The following TMBIM4 variants were observed in gnomAD, a reference collection of about 807,000 sequenced individuals.
TMBIM4 encodes transmembrane BAX inhibitor motif containing 4, also known as protein lifeguard 4.
TMBIM4 carries 28 observed loss-of-function variants against 27.7 expected under a neutral mutation model. That is an observed-to-expected ratio of 1.01 (90% CI 0.75 to 1.38). TMBIM4 has a LOEUF of 1.38. Ranked by LOEUF, TMBIM4 falls within the 40% of genes most tolerant of loss-of-function variation. TMBIM4 has a pLI of 0.00. For synonymous variants in TMBIM4, 115 were observed against 113.1 expected, an observed-to-expected ratio of 1.02 and a Z score of -0.11; for missense variants, 265 against 277.5, an observed-to-expected ratio of 0.95 and a Z score of 0.32.
At chr12:66,149,460 A>G (rs2136860812) in intron 3 of TMBIM4, among the ~76,000 whole-genome samples, 1 of 151,354 alleles carries the variant, frequency 6.6e-6, no homozygotes, top group South Asian at 2.1e-4. Flanking sequence ...AAAAAAAAAA[A>G]AAAAGAAAGA....
At position 66,145,865 on chromosome 12, in the gene TMBIM4, TTC is replaced by T; in HGVS notation, c.438_439del (p.Lys147GlyfsTer28). Reference sequence around the variant, plus strand: ...CCCTGCTCCAAATTTGCTGAAATCCTTCTTAGATTGTAGAGTATACACAGTCA... The same window carrying T: ...CCCTGCTCCAAATTTGCTGAAATCCTTTAGATTGTAGAGTATACACAGTCA... On this transcript the variant is annotated frameshift_variant, in exon 5 of 7. Transcript: ENST00000358230. LOFTEE classifies it high-confidence loss of function. 2 of 1,602,618 alleles carry T rather than the reference TTC, an allele frequency of 1.2e-6. No individual in the cohort carries two copies. The highest frequency in any genetic ancestry group is 1.7e-6 in the Non-Finnish European group (2 of 1,172,154).
At chr12:66,150,427 CTT>C in intron 3 of TMBIM4, among the ~76,000 whole-genome samples, 1 of 134,296 alleles carries the variant, frequency 7.4e-6, no homozygotes, top group Non-Finnish European at 1.6e-5. Flanking sequence ...ACCCCCCTTT[CTT>C]TTTAAGACAG....
rs2051798522 is a variant in TMBIM4, at chr12:66,149,062, T to C, written c.313-1121A>G. Among the ~76,000 whole-genome samples the C allele has an allele frequency of 2.0e-5, 3 of 152,178 alleles. No homozygotes were observed. In the South Asian group the frequency reaches 6.2e-4, roughly 31 times the overall value. On this transcript the variant is annotated intron_variant, in intron 3 of 6. Coordinates refer to ENST00000358230, the MANE Select transcript of TMBIM4 (RefSeq NM_016056.4). ...AGAGCAAAAATGGTATTAGAAATTG[T>C]ACATAGATGTGGAGGCAATGGAACT...
chr12:66,153,990 T>C (rs893385033), intron 1 of TMBIM4, among the ~76,000 whole-genome samples: 3 of 152,170 alleles, frequency 2.0e-5, no homozygotes, highest in Admixed American at 6.5e-5. Context: ...TTCTATACAA[T>C]AGAAAATCCT....
intron 1 of TMBIM4, 39 bp downstream of exon 1, chr12:66,169,816 G>T: frequency 6.8e-7 from 1 of 1,471,960 alleles, no homozygotes; most frequent in Non-Finnish European, 9.1e-7. Context: ...GAGCAGTGCA[G>T]ACAAGCGGCT....
chr12:66,158,729 T>C (rs1236831542), intron 1 of TMBIM4, among the ~76,000 whole-genome samples: 1 of 152,150 alleles, frequency 6.6e-6, no homozygotes, highest in Non-Finnish European at 1.5e-5. Flanking sequence ...AAGATCATGC[T>C]AAGACACTTT....
At chr12:66,151,884 G>A (rs1346249344) in intron 3 of TMBIM4, among the ~76,000 whole-genome samples, 2 of 152,150 alleles carry the variant, frequency 1.3e-5, no homozygotes, top group Admixed American at 6.5e-5. Flanking sequence ...TGAAATTAAA[G>A]CCACAACATA....
chr12:66,164,384 T>C (rs931757026), intron 1 of TMBIM4, among the ~76,000 whole-genome samples: 4 of 152,194 alleles, frequency 2.6e-5, no homozygotes, highest in African/African-American at 7.2e-5. Context: ...AGGGCTTATA[T>C]ACCAGAGGGA....
At chr12:66,138,903 A>T in intron 5 of TMBIM4, 134 bp from the exon 6 acceptor site, 1 of 1,264,164 alleles carries the variant, frequency 7.9e-7, no homozygotes. Context: ...AAGAATTTGT[A>T]AACATACAAT....
At chr12:66,149,135 A>C (rs1465982121) in intron 3 of TMBIM4, among the ~76,000 whole-genome samples, 1 of 152,142 alleles carries the variant, frequency 6.6e-6, no homozygotes, top group African/African-American at 2.4e-5. Context: ...AATGGTAGCA[A>C]AAGATGATAG....
chr12:66,149,860 A>G (rs948095774), intron 3 of TMBIM4, among the ~76,000 whole-genome samples: 12 of 146,360 alleles, frequency 8.2e-5, no homozygotes, highest in Admixed American at 6.7e-4. Context: ...CTATCTATCT[A>G]TCTGTCTGTC....
chr12:66,167,611 G>A (rs373730036), intron 1 of TMBIM4, among the ~76,000 whole-genome samples: 6 of 152,338 alleles, frequency 3.9e-5, no homozygotes, highest in East Asian at 1.9e-4. Context: ...AGAACGGAAT[G>A]TGTTGGCAAG....
At chr12:66,140,142 T>C (rs957458030) in intron 5 of TMBIM4, among the ~76,000 whole-genome samples, 6 of 151,670 alleles carry the variant, frequency 4.0e-5, no homozygotes, top group Non-Finnish European at 7.4e-5. Flanking sequence ...ATGAAGGAAA[T>C]ATGACCCATA....
intron 1 of TMBIM4, among the ~76,000 whole-genome samples, chr12:66,159,485 T>G (rs1592551538): frequency 6.6e-6 from 1 of 152,160 alleles, no homozygotes; most frequent in Non-Finnish European, 1.5e-5. Flanking sequence ...GCATCTTGAC[T>G]GGAGCCTCAT....
chr12:66,162,349 T>C (rs1407028264), intron 1 of TMBIM4, among the ~76,000 whole-genome samples: 10 of 152,242 alleles, frequency 6.6e-5, no homozygotes, highest in Non-Finnish European at 1.5e-4. Context: ...TGTTCTATCT[T>C]ATTAATAGCT....
Position 66,137,842 on chromosome 12 carries a change from T to C in TMBIM4, c.*118A>G, listed in dbSNP as rs1353644025. The C allele has an allele frequency of 9.5e-6, 3 of 314,292 alleles. No homozygotes were observed. The highest frequency in any genetic ancestry group is 1.6e-5 in the Non-Finnish European group (3 of 184,662). 19.5% of individuals were successfully genotyped at this position (314,292 alleles called of 1,614,324 possible). ...TAAAGATTGTAACAGTATTTAATCA[T>C]TGTTTCAAACTTTATTACTTAATGA... is the stretch of plus-strand genomic sequence containing the variant. On this transcript the variant is annotated 3_prime_UTR_variant, in exon 7 of 7. Transcript: ENST00000358230.
chr12:66,166,905 G>A (rs1489467678), intron 1 of TMBIM4, among the ~76,000 whole-genome samples: 1 of 152,200 alleles, frequency 6.6e-6, no homozygotes, highest in African/African-American at 2.4e-5. Context: ...CCTTCAGTAG[G>A]TGAATGAATA....
intron 1 of TMBIM4, chr12:66,168,776 C>T (rs1375054275): frequency 6.5e-6 from 1 of 152,778 alleles, no homozygotes; most frequent in East Asian, 1.9e-4. Flanking sequence ...CTGCCCAATT[C>T]GCAAATCATT....
Position 66,169,939 on chromosome 12 carries a change from C to T in TMBIM4, c.13G>A (p.Asp5Asn). MADP[D>N]PRYPRSSIED... ...ATCGAGGAGCGAGGGTACCGGGGGTCGGGGTCAGCCATGATGGCAACAGCA... is the reference window on the plus strand; with the variant it reads ...ATCGAGGAGCGAGGGTACCGGGGGTTGGGGTCAGCCATGATGGCAACAGCA... The change falls in exon 1 of 7, where the codon GAC (aspartate) becomes AAC (asparagine). Residue 5 changes from aspartate (D) to asparagine (N), a missense_variant. Coordinates refer to ENST00000358230, the MANE Select transcript of TMBIM4 (RefSeq NM_016056.4). The T allele has an allele frequency of 6.7e-7, 1 of 1,495,054 alleles. No homozygotes were observed. The highest frequency in any genetic ancestry group is 8.9e-7 in the Non-Finnish European group (1 of 1,124,040). The allele number at this position is 1,495,054 out of a possible 1,614,324, so 92.6% of individuals were successfully genotyped here. A position where few individuals can be genotyped will look rare whatever the true frequency, so the allele number is the denominator to read the frequency against.
Sources: allele counts gnomAD v4.1 joint callset (sites outside exome capture counted in the v4.1 genomes callset), GRCh38; gene constraint gnomAD v4.1.1; transcripts MANE v1.5; gene names NCBI Gene and HGNC (gene_info 2026-07-23, HGNC 2026-07-21).